ZNF284: variants seen among roughly 807,000 people sequenced by gnomAD.
The protein encoded by ZNF284 is zinc finger protein 284.
In ZNF284, 12 loss-of-function variants were observed where a neutral mutation model predicts 12.9. The ratio of observed to expected loss-of-function variants is 0.93; its 90% confidence interval spans 0.60 to 1.51. The LOEUF is 1.51. ZNF284 is among the 40% of genes most tolerant of loss of function. The pLI, the probability that ZNF284 is intolerant of heterozygous loss-of-function variation, is 0.00. For synonymous variants in ZNF284, 225 were observed against 236.5 expected (o/e 0.95, Z 0.45); for missense variants, 667 against 707.3 (o/e 0.94, Z 0.65).
chr19:44,077,804 T>C (rs767863871), intron 2 of ZNF284, among the ~76,000 whole-genome samples: 7 of 152,136 alleles, frequency 4.6e-5, no homozygotes, highest in Non-Finnish European at 1.0e-4. Flanking sequence ...GGATTCTCCA[T>C]TGAAGGACCT....
rs185110000 is a variant in ZNF284 at position 44,087,366 on chromosome 19, T to G, written c.*106T>G. ...ATCCATCACCTCCTTTATCATTTAT[T>G]TGTGGATCATTTATCATTTCTTTGT... On this transcript the variant is annotated 3_prime_UTR_variant, in exon 5 of 5. Coordinates refer to ENST00000421176, the MANE Select transcript of ZNF284 (RefSeq NM_001037813.4). 1.1e-5 allele frequency: 10 copies of G among 891,012 alleles called. No homozygotes were observed. The African/African-American group carries it at 1.5e-4, about 13-fold the overall frequency. 55.2% of individuals were successfully genotyped at this position (891,012 alleles called of 1,614,324 possible).
chr19:44,085,781 G>C lies in ZNF284; in HGVS notation c.303G>C (p.Gln101His). ...GACCACATGAAGAGTGGTCTTGCCA[G>C]CAAATCTGGGAACAAACTGCAAGTG... The part of the protein sequence containing the change: ...ETGPHEEWSC[Q>H]QIWEQTASEL... The change falls in exon 5 of 5, where the codon CAG (glutamine) becomes CAC (histidine). Residue 101 changes from glutamine (Q) to histidine (H), a missense_variant. Coordinates refer to ENST00000421176, the MANE Select transcript of ZNF284 (RefSeq NM_001037813.4). 6.2e-7 allele frequency: 1 copy of C among 1,614,202 alleles called. No homozygotes were observed. Among genetic ancestry groups the C allele is most frequent in the Non-Finnish European group, 8.5e-7 (1 of 1,180,022 alleles).
rs1275552179 is a variant in ZNF284, at chr19:44,087,247, T to A, written c.1769T>A (p.Leu590Ter). ...LNLDMILSLF[L>*]NDI ...CTAGATATGATTTTATCATTATTTTTAAATGATATATAATTATTGTCCATA... is the reference window on the plus strand; with the variant it reads ...CTAGATATGATTTTATCATTATTTTAAAATGATATATAATTATTGTCCATA... Residue 590 changes from leucine to a stop codon, truncating the protein, a stop_gained, in exon 5 of 5, where the codon TTA (leucine) becomes TAA (stop). Coordinates refer to ENST00000421176, the MANE Select transcript of ZNF284 (RefSeq NM_001037813.4). LOFTEE classifies it high-confidence loss of function. The A allele has an allele frequency of 1.9e-6, 3 of 1,545,274 alleles. No individual in the cohort carries two copies. The highest frequency in any genetic ancestry group is 1.7e-6 in the Non-Finnish European group (2 of 1,143,878).
intron 3 of ZNF284, among the ~76,000 whole-genome samples, chr19:44,081,757 T>TA (rs1350607979): frequency 6.6e-6 from 1 of 151,354 alleles, no homozygotes; most frequent in Admixed American, 6.6e-5. Flanking sequence ...ATAAATAAAA[T>TA]AAAACCATCA....
At position 44,087,579 on chromosome 19, in the gene ZNF284, C is replaced by T. The variant is rs1375411842; in HGVS notation, c.*319C>T. ...TTTTCCCTTCTAGTAATTGCTATGC[C>T]ATGCTGCTTCTGCTTTTTTTTTTTT... On this transcript the variant is annotated 3_prime_UTR_variant, in exon 5 of 5. Coordinates refer to ENST00000421176, the MANE Select transcript of ZNF284 (RefSeq NM_001037813.4). 4 of 160,936 alleles carry T rather than the reference C, an allele frequency of 2.5e-5. No homozygotes were observed. Among genetic ancestry groups the T allele is most frequent in the African/African-American group, 1.0e-4 (4 of 39,852 alleles). The allele number at this position is 160,936 out of a possible 1,614,324, so 10.0% of individuals were successfully genotyped here. A position where few individuals can be genotyped will look rare whatever the true frequency, so the allele number is the denominator to read the frequency against.
At position 44,087,939 on chromosome 19, in the gene ZNF284, G is replaced by GTA. The variant is rs1967291340; in HGVS notation, c.*680_*681insAT. 1 of 151,630 alleles carries GTA rather than the reference G, an allele frequency of 6.6e-6. No individual in the cohort carries two copies. Among genetic ancestry groups the GTA allele is most frequent in the Admixed American group, 6.6e-5 (1 of 15,204 alleles). The allele number at this position is 151,630 out of a possible 1,614,324, so 9.4% of individuals were successfully genotyped here. A position where few individuals can be genotyped will look rare whatever the true frequency, so the allele number is the denominator to read the frequency against. On this transcript the variant is annotated 3_prime_UTR_variant, in exon 5 of 5. Transcript: ENST00000421176. ...CGCCCGCCACCACACCTGACTAATTGTTGTATGCGTAGTAGAGATGGGGTT... is the reference window on the plus strand; with the variant it reads ...CGCCCGCCACCACACCTGACTAATTGTATTGTATGCGTAGTAGAGATGGGGTT...
At position 44,083,439 on chromosome 19, in the gene ZNF284, A is replaced by AT. The variant is rs551492035; in HGVS notation, c.235+1335dup. ...ACAGAATGAGACTCTGTCTCAAAAA[A>AT]TAAATAAAGAAATATATATATATAT... On this transcript the variant is annotated intron_variant, in intron 4 of 4. Coordinates refer to ENST00000421176, the MANE Select transcript of ZNF284 (RefSeq NM_001037813.4). Among the ~76,000 whole-genome samples, 118 of 111,664 alleles carry AT rather than the reference A, an allele frequency of 1.1e-3. 1 individual carries two copies. The Admixed American group carries it at 0.011, about 10-fold the overall frequency. The allele number at this position is 111,664 out of a possible 152,430, so 73.3% of individuals were successfully genotyped here. A position where few individuals can be genotyped will look rare whatever the true frequency, so the allele number is the denominator to read the frequency against.
In ZNF284 at chr19:44,076,302, C is replaced by G; in HGVS notation, c.-68-20C>G. On this transcript the variant is annotated intron_variant, in intron 1 of 4. Coordinates refer to ENST00000421176, the MANE Select transcript of ZNF284 (RefSeq NM_001037813.4). ...CTTCATGTCTCTTTTTTTTTTTTTG[C>G]CTTCCATGGCATGTTTCAGGCACAA... 3 of 1,295,974 alleles carry G rather than the reference C, an allele frequency of 2.3e-6. No individual in the cohort carries two copies. The highest frequency in any genetic ancestry group is 1.5e-5 in the South Asian group (1 of 68,378). The allele number at this position is 1,295,974 out of a possible 1,614,324, so 80.3% of individuals were successfully genotyped here.
chr19:44,086,553 T>G lies in ZNF284; in HGVS notation c.1075T>G (p.Cys359Gly). 1 of 1,614,200 alleles carries G rather than the reference T, an allele frequency of 6.2e-7. No homozygotes were observed. ...GRSFTCRQDL[C>G]KHQMDHTGDK... ...GAGCTTCACTTGTAGGCAAGATCTT[T>G]GTAAGCATCAGATGGACCATACAGG... Residue 359 changes from cysteine (C) to glycine (G), a missense_variant, in exon 5 of 5, where the codon TGT becomes GGT. Physicochemically the swap from Cys to Gly is radical, Grantham distance 159. Coordinates refer to ENST00000421176, the MANE Select transcript of ZNF284 (RefSeq NM_001037813.4).
At chr19:44,079,765 C>T (rs966457052) in intron 2 of ZNF284, among the ~76,000 whole-genome samples, 3 of 151,754 alleles carry the variant, frequency 2.0e-5, no homozygotes, top group Non-Finnish European at 4.4e-5. Context: ...CCCATCTCTA[C>T]TAAAAATACA....
chr19:44,086,984 A>G lies in ZNF284; in HGVS notation c.1506A>G (p.Gln502=), dbSNP rs375118913. The G allele has an allele frequency of 6.2e-7, 1 of 1,614,188 alleles. No individual in the cohort carries two copies. Residue 502 remains glutamine (Q), a synonymous_variant, in exon 5 of 5, where the codon CAA becomes CAG. Coordinates refer to ENST00000421176, the MANE Select transcript of ZNF284 (RefSeq NM_001037813.4). ...FTENSKLRFH[Q]RIHTGEKPYK... is the part of the protein sequence containing the mutation. ...AGAATTCAAAACTTCGTTTCCATCA[A>G]AGAATTCACACTGGAGAAAAGCCTT...
At chr19:44,075,860 T>C (rs888819438) in intron 1 of ZNF284, among the ~76,000 whole-genome samples, 2 of 152,188 alleles carry the variant, frequency 1.3e-5, no homozygotes, top group Non-Finnish European at 2.9e-5. Context: ...TGATCATGAT[T>C]CAGTTTAGAT....
Position 44,086,750 on chromosome 19 carries a change from A to T in ZNF284, c.1272A>T (p.Glu424Asp). The T allele has an allele frequency of 6.2e-7, 1 of 1,614,158 alleles. No homozygotes were observed. Among genetic ancestry groups the T allele is most frequent in the East Asian group, 2.2e-5 (1 of 44,878 alleles). ...CACATCAGAGAGCCTATAGAGAAGA[A>T]GAACTGTATAAATGTCAGAAGTGTG... ...GHSHQRAYRE[E>D]ELYKCQKCGK... The change falls in exon 5 of 5, where the codon GAA (glutamate) becomes GAT (aspartate). Residue 424 changes from glutamate (E) to aspartate (D), a missense_variant. Physicochemically the swap from Glu to Asp is conservative, Grantham distance 45 (BLOSUM62 2). Transcript: ENST00000421176.
chr19:44,082,968 G>A (rs1967151835), intron 4 of ZNF284, among the ~76,000 whole-genome samples: 1 of 152,146 alleles, frequency 6.6e-6, no homozygotes, highest in African/African-American at 2.4e-5. Flanking sequence ...ATTGGATGTG[G>A]ACATCTTTCA....
intron 2 of ZNF284, 61 bp downstream of exon 2, chr19:44,076,465 T>A (rs1318275601): frequency 6.4e-7 from 1 of 1,565,012 alleles, no homozygotes; most frequent in Non-Finnish European, 8.7e-7. Flanking sequence ...GATTGTCACA[T>A]GTTTTTCTCG....
intron 2 of ZNF284, among the ~76,000 whole-genome samples, chr19:44,080,799 C>G (rs1967109350): frequency 6.6e-6 from 1 of 152,108 alleles, no homozygotes; most frequent in South Asian, 2.1e-4. Context: ...CAAAGTAAAC[C>G]TATGGGACTT....
Position 44,086,046 on chromosome 19 carries a change from CT to C in ZNF284, c.571del (p.Cys191ValfsTer220). ...GAAGAGATTCTGTTATAGCTCAGCT[CT>C]TTGTCTTCATCAGAAAGTTCACATG... ...YRKRFCYSSA[L>X]CLHQKVHMGE... On this transcript the variant is annotated frameshift_variant, in exon 5 of 5. Transcript: ENST00000421176. LOFTEE classifies it low-confidence loss of function (END_TRUNC). 1.2e-6 allele frequency: 2 copies of C among 1,614,150 alleles called. No homozygotes were observed. Among genetic ancestry groups the C allele is most frequent in the Non-Finnish European group, 1.7e-6 (2 of 1,180,018 alleles).
At chr19:44,080,868 A>G in intron 2 of ZNF284, 147 bp from the exon 3 acceptor site, 1 of 1,098,380 alleles carries the variant, frequency 9.1e-7, no homozygotes, top group Non-Finnish European at 1.3e-6. Flanking sequence ...GAGGATACAG[A>G]CAGAATGAAT....
At chr19:44,081,916 A>T in intron 3 of ZNF284, 97 bp from the exon 4 acceptor site, 1 of 908,042 alleles carries the variant, frequency 1.1e-6, no homozygotes, top group Non-Finnish European at 1.7e-6. Context: ...CCGCCAAACC[A>T]TATCAGTGTT....
Sources: allele counts gnomAD v4.1 joint callset (sites outside exome capture counted in the v4.1 genomes callset), GRCh38; gene constraint gnomAD v4.1.1; transcripts MANE v1.5; gene names NCBI Gene and HGNC (gene_info 2026-07-23, HGNC 2026-07-21).